Variants in MICAL3 observed in about 807,000 individuals in gnomAD.
MICAL3 encodes [F-actin]-monooxygenase MICAL3.
MICAL3 carries 62 observed loss-of-function variants against 207.4 expected under a neutral mutation model. The ratio of observed to expected loss-of-function variants is 0.30; its 90% CI spans 0.24 to 0.37. The LOEUF is 0.37. Among genes scored for constraint, MICAL3 ranks in the 10% least tolerant of loss-of-function variants. The probability of loss-of-function intolerance (pLI) is 1.00; values close to 1 mark genes in which losing one functional copy is unlikely to be tolerated. For missense variants in MICAL3, 2,368 were observed against 2,635.6 expected, an observed-to-expected ratio of 0.90 and a Z score of 2.22; for synonymous variants, 1,077 against 1,069.3, an observed-to-expected ratio of 1.01 and a Z score of -0.14.
intron 9 of MICAL3, among the ~76,000 whole-genome samples, 197 bp downstream of exon 9, chr22:17,896,049 C>G (rs902438632): frequency 1.1e-4 from 16 of 152,190 alleles, no homozygotes; most frequent in Non-Finnish European, 2.2e-4. Flanking sequence ...TAAGAGAAGA[C>G]TTAGTCTAGG....
At chr22:17,921,496 C>A (rs1220324301) in intron 1 of MICAL3, among the ~76,000 whole-genome samples, 2 of 152,154 alleles carry the variant, frequency 1.3e-5, no homozygotes, top group Admixed American at 6.5e-5. Context: ...TTAATCTTTT[C>A]TTTTGTGTGT....
chr22:17,825,319 A>G (rs1922061191), intron 22 of MICAL3, among the ~76,000 whole-genome samples: 1 of 152,230 alleles, frequency 6.6e-6, no homozygotes, highest in Non-Finnish European at 1.5e-5. Context: ...AAAGGGACAC[A>G]GCTTGAGGGG....
rs773964071 is a variant in MICAL3 at position 17,889,202 on chromosome 22, C to T, written c.1723G>A (p.Val575Met). The change falls in exon 13 of 32, where the codon GTG (valine) becomes ATG (methionine). Residue 575 changes from valine to methionine, a missense_variant. This residue lies in a region of MICAL3 where 51 missense variants were observed against 87.8 expected (regional missense o/e 0.58). Transcript: ENST00000441493. ...IDFDSLDEQN[V>M]EKNNQLAFDI... ...AAGGCCAGTTGGTTATTCTTCTCCA[C>T]ATTTTGCTCATCCAAAGAATCAAAA... The T allele has an allele frequency of 5.0e-6, 8 of 1,612,748 alleles. No homozygotes were observed. Among genetic ancestry groups the T allele is most frequent in the Non-Finnish European group, 6.8e-6 (8 of 1,178,876 alleles).
chr22:17,941,676 A>G (rs1933813163), intron 1 of MICAL3, among the ~76,000 whole-genome samples: 1 of 152,252 alleles, frequency 6.6e-6, no homozygotes. Flanking sequence ...AGCGAAGAAG[A>G]AAAATGTATT....
chr22:17,893,966 C>G lies in MICAL3; in HGVS notation c.1450-62G>C, dbSNP rs567623197. ...CAAATATCAAGTAACAAATTCCTAC[C>G]TAAGAGCAGAATGGCTGAAAGGAAA... On this transcript the variant is annotated intron_variant, in intron 10 of 31. Transcript: ENST00000441493. The G allele has an allele frequency of 2.4e-6, 3 of 1,259,338 alleles. No homozygotes were observed. The South Asian group carries it at 3.8e-5, about 16-fold the overall frequency. The allele number at this position is 1,259,338 out of a possible 1,614,324, so 78.0% of individuals were successfully genotyped here.
chr22:17,973,224 G>T (rs1602323296), intron 1 of MICAL3, among the ~76,000 whole-genome samples: 1 of 152,334 alleles, frequency 6.6e-6, no homozygotes, highest in South Asian at 2.1e-4. Context: ...ATGCCCTGTG[G>T]CATCAACACT....
chr22:17,871,976 T>C lies in MICAL3; in HGVS notation c.2289A>G (p.Thr763=), dbSNP rs761805093. 13 of 1,610,992 alleles carry C rather than the reference T, an allele frequency of 8.1e-6. No homozygotes were observed. The Admixed American group carries it at 1.5e-4, about 19-fold the overall frequency. ...EFPQNLGGSD[T]CYFCQKRVYV... Reference sequence around the variant, plus strand: ...AGACCCGCTTCTGGCAGAAGTAGCATGTGTCGCTGCCTCCCAGGTTCTGCG... The same window carrying C: ...AGACCCGCTTCTGGCAGAAGTAGCACGTGTCGCTGCCTCCCAGGTTCTGCG... The change falls in exon 17 of 32, where the codon ACA becomes ACG. Residue 763 remains threonine, a synonymous_variant. Transcript: ENST00000441493.
At chr22:17,969,433 G>A (rs1369556627) in intron 1 of MICAL3, among the ~76,000 whole-genome samples, 1 of 152,218 alleles carries the variant, frequency 6.6e-6, no homozygotes, top group Non-Finnish European at 1.5e-5. Context: ...TGCTTCTTGG[G>A]TTGGTCTGGA....
intron 16 of MICAL3, 126 bp downstream of exon 16, chr22:17,885,752 G>C: frequency 1.0e-6 from 1 of 995,712 alleles, no homozygotes; most frequent in South Asian, 1.5e-5. Flanking sequence ...TCAGGCGAGG[G>C]AAAGCCAGAT....
rs76287789 is a variant in MICAL3, at chr22:17,967,306, T to C, written c.-75+56975A>G. Reference sequence around the variant, plus strand: ...TAAAAAAGCTACTAAGAATTCAACATTTTCCCATGCATTTGTATTCTGTTC... The same window carrying C: ...TAAAAAAGCTACTAAGAATTCAACACTTTCCCATGCATTTGTATTCTGTTC... On this transcript the variant is annotated intron_variant, in intron 1 of 31. Coordinates refer to ENST00000441493, the MANE Select transcript of MICAL3 (RefSeq NM_015241.3). Among the ~76,000 whole-genome samples the C allele has an allele frequency of 3.2e-3, 491 of 152,274 alleles. 2 individuals carry two copies. The highest frequency in any genetic ancestry group is 5.6e-3 in the Non-Finnish European group (383 of 68,018).
chr22:17,821,717 C>T (rs1000972764), intron 24 of MICAL3, among the ~76,000 whole-genome samples: 1 of 152,242 alleles, frequency 6.6e-6, no homozygotes, highest in Admixed American at 6.5e-5. Flanking sequence ...TCTGCAGGTG[C>T]TCCTGTCAAC....
rs753265026 is a variant in MICAL3 at position 17,885,866 on chromosome 22, G to A, written c.2241+12C>T. On this transcript the variant is annotated intron_variant, in intron 16 of 31. Transcript: ENST00000441493. ...ACCAAATCGGTGTGGGCAGGGCACGGGTTGGGTTTACCTGTCTCCGTATGC... is the reference window on the plus strand; with the variant it reads ...ACCAAATCGGTGTGGGCAGGGCACGAGTTGGGTTTACCTGTCTCCGTATGC... 2.5e-6 allele frequency: 4 copies of A among 1,613,452 alleles called. No individual in the cohort carries two copies. The African/African-American group carries it at 5.3e-5, about 22-fold the overall frequency.
chr22:17,950,166 A>ATTTTTTTTTTTTTTTTTTTTTTT (rs10657913), intron 1 of MICAL3, among the ~76,000 whole-genome samples: 3 of 143,974 alleles, frequency 2.1e-5, no homozygotes, highest in Admixed American at 6.9e-5. Context: ...ACAGCTGTCT[A>ATTTTTTTTTTTTTTTTTTTTTTT]TTTTTTTTTT....
Position 17,793,464 on chromosome 22 carries a change from G to C in MICAL3, c.5651-2163C>G, listed in dbSNP as rs1266648167. On this transcript the variant is annotated intron_variant, in intron 29 of 31. Transcript: ENST00000441493. The surrounding 1 kb of genome is among the most constrained non-coding windows in gnomAD (Gnocchi z 4.1). ...ATCTGAGACTTAAAGCCCCAGCCAC[G>C]AAGGGCCAGCCAATGCTGCAGCCCT... Among the ~76,000 whole-genome samples the C allele has an allele frequency of 6.6e-6, 1 of 152,166 alleles. No individual in the cohort carries two copies. Among genetic ancestry groups the C allele is most frequent in the Non-Finnish European group, 1.5e-5 (1 of 68,030 alleles).
At chr22:17,847,427 T>C (rs1307189255) in intron 19 of MICAL3, among the ~76,000 whole-genome samples, 1 of 152,122 alleles carries the variant, frequency 6.6e-6, no homozygotes, top group Non-Finnish European at 1.5e-5. Flanking sequence ...CAGGGGTTCA[T>C]TCATCCAATC....
chr22:17,841,723 G>C lies in MICAL3; in HGVS notation c.2801+99C>G. 3 of 1,262,396 alleles carry C rather than the reference G, an allele frequency of 2.4e-6. No individual in the cohort carries two copies. Among genetic ancestry groups the C allele is most frequent in the Non-Finnish European group, 3.3e-6 (3 of 904,102 alleles). 78.2% of individuals were successfully genotyped at this position (1,262,396 alleles called of 1,614,324 possible). A position where few individuals can be genotyped will look rare whatever the true frequency, so the allele number is the denominator to read the frequency against. On this transcript the variant is annotated intron_variant, in intron 20 of 31. Coordinates refer to ENST00000441493, the MANE Select transcript of MICAL3 (RefSeq NM_015241.3). The surrounding 1 kb of genome is among the most constrained non-coding windows in gnomAD (Gnocchi z 4.2). The stretch of plus-strand genomic sequence containing the variant: ...TGGACTGCGGGCAGCAGGAAAGACA[G>C]GAGGCCTCCCTTCACTGAGAAGAAA...
rs1055936212 is a variant in MICAL3 at position 18,024,371 on chromosome 22, G to T, written c.-165C>A. 1 of 152,258 alleles carries T rather than the reference G, an allele frequency of 6.6e-6. No individual in the cohort carries two copies. Among genetic ancestry groups the T allele is most frequent in the Non-Finnish European group, 1.5e-5 (1 of 68,104 alleles). 9.4% of individuals were successfully genotyped at this position (152,258 alleles called of 1,614,324 possible). ...GTGCCCGCAGGGCACAGGTGCCGCC[G>T]TGGCTGCTCGCACAACCCCTGCAGC... On this transcript the variant is annotated 5_prime_UTR_variant, in exon 1 of 32. Transcript: ENST00000441493.
chr22:17,900,272 C>G lies in MICAL3; in HGVS notation c.847+570G>C, dbSNP rs987806666. Among the ~76,000 whole-genome samples, 1 of 152,168 alleles carries G rather than the reference C, an allele frequency of 6.6e-6. No homozygotes were observed. Among genetic ancestry groups the G allele is most frequent in the Non-Finnish European group, 1.5e-5 (1 of 68,038 alleles). On this transcript the variant is annotated intron_variant, in intron 6 of 31. Transcript: ENST00000441493. This position sits in a 1 kb window ranked among gnomAD's most constrained non-coding sequence, Gnocchi z 4.0. ...AGCACAGGGCAGGCATTGGGAAGAACTAGTGGAGGCAGAACGAATGCTTTA... is the reference window on the plus strand; with the variant it reads ...AGCACAGGGCAGGCATTGGGAAGAAGTAGTGGAGGCAGAACGAATGCTTTA...
chr22:17,851,137 G>A (rs984403172), intron 19 of MICAL3, among the ~76,000 whole-genome samples: 10 of 152,282 alleles, frequency 6.6e-5, no homozygotes, highest in African/African-American at 9.6e-5. Flanking sequence ...AAAGGGTAGC[G>A]GTTATGCGCT....
Sources: allele counts gnomAD v4.1 joint callset (sites outside exome capture counted in the v4.1 genomes callset), GRCh38; gene constraint gnomAD v4.1.1; regional missense constraint gnomAD v4.1.1; non-coding constraint Gnocchi (gnomAD v3.1); transcripts MANE v1.5; gene names NCBI Gene and HGNC (gene_info 2026-07-23, HGNC 2026-07-21).